VSX2: variants seen among roughly 807,000 people sequenced by gnomAD.
VSX2 encodes ceh-10 homeo domain containing homolog.
Under a neutral mutation model 32.1 loss-of-function variants are expected in VSX2, and 28 were observed. That is an observed-to-expected ratio of 0.87 (90% CI 0.65 to 1.20). The LOEUF is 1.20. Among genes scored for constraint, VSX2 ranks in the 50% most tolerant of loss-of-function variants. VSX2 has a pLI of 0.00. For synonymous variants in VSX2, 243 were observed against 214.1 expected (o/e 1.14, Z -1.18); for missense variants, 506 against 488.7 (o/e 1.04, Z -0.33).
At chr14:74,253,148 C>A (rs1473610870) in intron 3 of VSX2, among the ~76,000 whole-genome samples, 1 of 152,030 alleles carries the variant, frequency 6.6e-6, no homozygotes, top group Non-Finnish European at 1.5e-5. Flanking sequence ...ATCTGGTGGC[C>A]CTGGGTGTCA....
intron 3 of VSX2, among the ~76,000 whole-genome samples, chr14:74,245,943 T>A (rs1239699120): frequency 6.6e-6 from 1 of 152,230 alleles, no homozygotes; most frequent in Non-Finnish European, 1.5e-5. Context: ...CCTGGGCAGT[T>A]TTGTGGCATA....
chr14:74,241,322 C>T, intron 2 of VSX2, 56 bp downstream of exon 2: 1 of 1,574,408 alleles, frequency 6.4e-7, no homozygotes. Flanking sequence ...TGCCGTCCCC[C>T]GTTCCGGGAT....
chr14:74,249,539 G>C (rs2079216416), intron 3 of VSX2, among the ~76,000 whole-genome samples: 1 of 152,064 alleles, frequency 6.6e-6, no homozygotes, highest in Admixed American at 6.5e-5. Flanking sequence ...CAAAGTGCTG[G>C]GATTACAGGT....
rs1349120617 is a variant in VSX2, at chr14:74,245,170, T to A, written c.461T>A (p.Ile154Asn). 1.4e-5 allele frequency: 23 copies of A among 1,613,620 alleles called. No homozygotes were observed. Among genetic ancestry groups the A allele is most frequent in the Non-Finnish European group, 1.9e-5 (23 of 1,179,860 alleles). Reference sequence around the variant, plus strand: ...TTCGGTCTTGCTCCCCTCAGGACAATCTTTACCTCCTACCAGCTAGAGGAG... The same window carrying A: ...TTCGGTCTTGCTCCCCTCAGGACAAACTTTACCTCCTACCAGCTAGAGGAG... ...KKRKKRRHRT[I>N]FTSYQLEELE... The change falls in exon 3 of 5, where the codon ATC (isoleucine) becomes AAC (asparagine). Residue 154 changes from isoleucine (I) to asparagine (N), a missense_variant. By Grantham distance (149) the Ile-to-Asn change is moderately radical. Coordinates refer to ENST00000261980, the MANE Select transcript of VSX2 (RefSeq NM_182894.3).
chr14:74,257,715 C>CG (rs1555388432), intron 3 of VSX2, among the ~76,000 whole-genome samples: 2,781 of 149,448 alleles, frequency 0.019, 103 homozygotes, highest in African/African-American at 0.062. Context: ...GACCACCCCC[C>CG]ACCCACTTCC....
intron 3 of VSX2, among the ~76,000 whole-genome samples, chr14:74,247,338 G>C (rs2079199253): frequency 1.3e-5 from 2 of 152,198 alleles, no homozygotes; most frequent in African/African-American, 4.8e-5. Context: ...ACTGACTCTG[G>C]GGCCAGACTG....
In VSX2 at chr14:74,239,730, G is replaced by A; in HGVS notation, c.169G>A (p.Ala57Thr). 1.9e-6 allele frequency: 3 copies of A among 1,548,984 alleles called. No homozygotes were observed. In the South Asian group the frequency reaches 3.6e-5, roughly 18 times the overall value. The change falls in exon 1 of 5, where the codon GCC (alanine) becomes ACC (threonine). Residue 57 changes from alanine (A) to threonine (T), a missense_variant. By Grantham distance (58) the Ala-to-Thr change is moderately conservative. Coordinates refer to ENST00000261980, the MANE Select transcript of VSX2 (RefSeq NM_182894.3). Reference protein sequence around the residue: ...SHPRAALDGLAPGHLLAARSV... With the variant: ...SHPRAALDGLTPGHLLAARSV... Reference sequence around the variant, plus strand: ...CCCGCGGGCAGCGCTCGACGGCCTGGCCCCCGGGCACTTGCTGGCGGCGCG... The same window carrying A: ...CCCGCGGGCAGCGCTCGACGGCCTGACCCCCGGGCACTTGCTGGCGGCGCG...
intron 3 of VSX2, among the ~76,000 whole-genome samples, chr14:74,252,158 AGAG>A (rs1452449456): frequency 1.3e-5 from 2 of 152,208 alleles, no homozygotes; most frequent in East Asian, 3.9e-4. Flanking sequence ...TGCAGAGACA[AGAG>A]GAGGTGTGAG....
rs1004021129 is a variant in VSX2 at position 74,239,801 on chromosome 14, G to A, written c.240G>A (p.Gly80=). ...PAGVGGMGLL[G]PGGLPGFYTQ... ...GGGTGGGCGGCATGGGGCTTCTGGG[G>A]CCCGGGGGGCTCCCTGGCTTCTACA... The change falls in exon 1 of 5, where the codon GGG becomes GGA. Residue 80 remains glycine, a synonymous_variant. Coordinates refer to ENST00000261980, the MANE Select transcript of VSX2 (RefSeq NM_182894.3). 4.5e-6 allele frequency: 7 copies of A among 1,568,332 alleles called. No homozygotes were observed. Among genetic ancestry groups the A allele is most frequent in the Admixed American group, 1.9e-5 (1 of 53,130 alleles).
At chr14:74,243,958 T>C (rs990422143) in intron 2 of VSX2, among the ~76,000 whole-genome samples, 4 of 152,240 alleles carry the variant, frequency 2.6e-5, no homozygotes, top group African/African-American at 9.6e-5. Flanking sequence ...GGACCATTTC[T>C]ACCAGTTCAG....
In VSX2 at chr14:74,259,798, C is replaced by T. The variant is rs1363845749; in HGVS notation, c.760+16C>T. 1.3e-5 allele frequency: 20 copies of T among 1,487,736 alleles called. No homozygotes were observed. Among genetic ancestry groups the T allele is most frequent in the Non-Finnish European group, 1.8e-5 (20 of 1,126,040 alleles). The allele number at this position is 1,487,736 out of a possible 1,614,324, so 92.2% of individuals were successfully genotyped here. A position where few individuals can be genotyped will look rare whatever the true frequency, so the allele number is the denominator to read the frequency against. ...TGGCTACTGGGTAAGAGCCCGCACCCTCCTTGGGGTCCTGCCCTGCGGTGA... is the reference window on the plus strand; with the variant it reads ...TGGCTACTGGGTAAGAGCCCGCACCTTCCTTGGGGTCCTGCCCTGCGGTGA... On this transcript the variant is annotated intron_variant, in intron 4 of 4. Coordinates refer to ENST00000261980, the MANE Select transcript of VSX2 (RefSeq NM_182894.3).
intron 3 of VSX2, among the ~76,000 whole-genome samples, chr14:74,252,821 G>A (rs2079238395): frequency 6.6e-6 from 1 of 151,870 alleles, no homozygotes; most frequent in Non-Finnish European, 1.5e-5. Context: ...GCCTCGGAGG[G>A]CGGATCACCT....
At chr14:74,252,046 T>G (rs1018015583) in intron 3 of VSX2, among the ~76,000 whole-genome samples, 1 of 152,220 alleles carries the variant, frequency 6.6e-6, no homozygotes, top group African/African-American at 2.4e-5. Flanking sequence ...CTGGAAGGAC[T>G]GCAGAGGGTC....
rs1198592708 is a variant in VSX2 at position 74,244,977 on chromosome 14, TGTGTGAGA to T, written c.456-186_456-179del. Among the ~76,000 whole-genome samples, 87 of 43,774 alleles carry T rather than the reference TGTGTGAGA, an allele frequency of 2.0e-3. 7 individuals are homozygous for T. Among genetic ancestry groups the T allele is most frequent in the African/African-American group, 6.7e-3 (78 of 11,646 alleles). The allele number at this position is 43,774 out of a possible 152,430, so 28.7% of individuals were successfully genotyped here. A position where few individuals can be genotyped will look rare whatever the true frequency, so the allele number is the denominator to read the frequency against. The stretch of plus-strand genomic sequence containing the variant: ...GTGTGTGTGTGTGTGTGTGTGTGTG[TGTGTGAGA>T]GAGAGAGAGAGAGAGAGAGAGACAG... On this transcript the variant is annotated intron_variant, in intron 2 of 4. Coordinates refer to ENST00000261980, the MANE Select transcript of VSX2 (RefSeq NM_182894.3).
chr14:74,262,374 G>A lies in VSX2; in HGVS notation c.*1455G>A, dbSNP rs1277069577. 1 of 152,276 alleles carries A rather than the reference G, an allele frequency of 6.6e-6. No homozygotes were observed. Among genetic ancestry groups the A allele is most frequent in the African/African-American group, 2.4e-5 (1 of 41,466 alleles). The allele number at this position is 152,276 out of a possible 1,614,324, so 9.4% of individuals were successfully genotyped here. ...CTGCCCGATCCAGATTCCCAGGCCA[G>A]GCTCCCGACCCCATCCACCTATCCA... On this transcript the variant is annotated 3_prime_UTR_variant, in exon 5 of 5. Coordinates refer to ENST00000261980, the MANE Select transcript of VSX2 (RefSeq NM_182894.3).
chr14:74,255,903 T>C (rs2079259635), intron 3 of VSX2, among the ~76,000 whole-genome samples: 1 of 152,200 alleles, frequency 6.6e-6, no homozygotes, highest in Non-Finnish European at 1.5e-5. Flanking sequence ...CAGAATTTAT[T>C]TATCGTTTTT....
Position 74,261,026 on chromosome 14 carries a change from C to A in VSX2, c.*107C>A. On this transcript the variant is annotated 3_prime_UTR_variant, in exon 5 of 5. Coordinates refer to ENST00000261980, the MANE Select transcript of VSX2 (RefSeq NM_182894.3). The stretch of plus-strand genomic sequence containing the variant: ...AGGCCCAGACCTGGCCTCTGCCATC[C>A]TCCCTGTTCCCCACAGGTCCTCCAT... The A allele has an allele frequency of 1.5e-6, 2 of 1,339,804 alleles. No homozygotes were observed. The highest frequency in any genetic ancestry group is 2.1e-6 in the Non-Finnish European group (2 of 969,838). The allele number at this position is 1,339,804 out of a possible 1,614,324, so 83.0% of individuals were successfully genotyped here. A position where few individuals can be genotyped will look rare whatever the true frequency, so the allele number is the denominator to read the frequency against.
rs767861006 is a variant in VSX2 at position 74,260,941 on chromosome 14, G to A, written c.*22G>A. The stretch of plus-strand genomic sequence containing the variant: ...TTAGGTCAAGGCGCGCTCAGATGCC[G>A]GAGCCCCAAGACTCTGCTCTCCTCG... On this transcript the variant is annotated 3_prime_UTR_variant, in exon 5 of 5. Transcript: ENST00000261980. 9.2e-5 allele frequency: 142 copies of A among 1,549,400 alleles called. No homozygotes were observed. The highest frequency in any genetic ancestry group is 1.2e-4 in the Non-Finnish European group (139 of 1,147,152).
intron 2 of VSX2, among the ~76,000 whole-genome samples, chr14:74,241,976 T>A (rs2079153069): frequency 6.6e-6 from 1 of 152,098 alleles, no homozygotes; most frequent in South Asian, 2.1e-4. Context: ...GTTTTTGTCT[T>A]TAAATGGAAA....
Sources: gnomAD v4.1 joint callset for allele counts (sites outside exome capture counted in the v4.1 genomes callset) on GRCh38, gnomAD v4.1.1 for gene constraint, MANE v1.5 for transcripts, NCBI Gene and HGNC (gene_info 2026-07-23, HGNC 2026-07-21) for gene names.